SUGCT: variants seen among roughly 807,000 people sequenced by gnomAD.
SUGCT encodes the protein succinyl-CoA:glutarate-CoA transferase.
In SUGCT, 41 loss-of-function variants were observed where a neutral mutation model predicts 55.0. The observed-to-expected ratio is 0.74, with a 90% confidence interval of 0.58 to 0.97. SUGCT has a LOEUF of 0.97. SUGCT is among the 50% of genes least tolerant of loss of function. The pLI is 0.00. For synonymous variants in SUGCT, 187 were observed against 200.4 expected, an observed-to-expected ratio of 0.93 and a Z score of 0.56; for missense variants, 568 against 547.8, an observed-to-expected ratio of 1.04 and a Z score of -0.37.
intron 9 of SUGCT, among the ~76,000 whole-genome samples, chr7:40,388,338 A>C (rs1400799228): frequency 6.6e-6 from 1 of 152,232 alleles, no homozygotes; most frequent in Non-Finnish European, 1.5e-5. Flanking sequence ...GGCTTATAAT[A>C]TAATGAGGAA....
chr7:40,400,031 G>C (rs2151319690), intron 9 of SUGCT, among the ~76,000 whole-genome samples: 1 of 152,108 alleles, frequency 6.6e-6, no homozygotes, highest in African/African-American at 2.4e-5. Context: ...TCTGGTGACA[G>C]AGCAAGACTC....
chr7:40,933,816 T>C, the SUGCT span, among the ~76,000 whole-genome samples: 1 of 152,206 alleles, frequency 6.6e-6, no homozygotes, highest in Non-Finnish European at 1.5e-5. Flanking sequence ...ACACTGTTTA[T>C]TGTAGTTAGC....
intron 12 of SUGCT, among the ~76,000 whole-genome samples, chr7:40,592,620 T>G (rs1475260373): frequency 6.6e-6 from 1 of 152,206 alleles, no homozygotes; most frequent in Non-Finnish European, 1.5e-5. Context: ...AGAAGTAAAG[T>G]AGTGCCAGGG....
intron 12 of SUGCT, among the ~76,000 whole-genome samples, chr7:40,560,338 T>C (rs950383987): frequency 6.6e-6 from 1 of 152,110 alleles, no homozygotes; most frequent in African/African-American, 2.4e-5. Flanking sequence ...ACTTTTTGGG[T>C]GGAGGGCCTT....
At chr7:40,195,869 A>G (rs1474573901) in intron 6 of SUGCT, among the ~76,000 whole-genome samples, 1 of 151,618 alleles carries the variant, frequency 6.6e-6, no homozygotes, top group Non-Finnish European at 1.5e-5. Flanking sequence ...GCCTACCACC[A>G]TGCCTGGCTG....
chr7:40,314,944 T>C (rs1207201122), intron 8 of SUGCT, among the ~76,000 whole-genome samples: 1 of 152,204 alleles, frequency 6.6e-6, no homozygotes, highest in Non-Finnish European at 1.5e-5. Flanking sequence ...TGTAAGCACG[T>C]TGAAGATTAC....
chr7:40,673,402 C>T lies in SUGCT; in HGVS notation c.1090-76032C>T, dbSNP rs142766166. Among the ~76,000 whole-genome samples the T allele has an allele frequency of 2.5e-4, 38 of 152,320 alleles. 1 individual carries two copies. The East Asian group carries it at 7.3e-3, about 29-fold the overall frequency. On this transcript the variant is annotated intron_variant, in intron 12 of 13. Coordinates refer to ENST00000335693, the MANE Select transcript of SUGCT (RefSeq NM_001193313.2). ...GGGCTCTGCTCCTCTCTTTGCTGCT[C>T]TGACTCTAACTTCCCGTGGCCTTTC...
chr7:40,862,295 T>C (rs1794503040), downstream of SUGCT, among the ~76,000 whole-genome samples: 1 of 152,188 alleles, frequency 6.6e-6, no homozygotes, highest in African/African-American at 2.4e-5. Flanking sequence ...AGTGAAATCA[T>C]ATATGTAAGT....
In SUGCT at chr7:40,325,911, TTG is replaced by T. The variant is rs1562682688; in HGVS notation, c.816+9058_816+9059del. 5.4e-5 allele frequency among the ~76,000 whole-genome samples: 8 copies of T among 149,128 alleles called. 1 individual carries two copies. The highest frequency in any genetic ancestry group is 1.0e-4 in the African/African-American group (4 of 39,976). On this transcript the variant is annotated intron_variant, in intron 9 of 13. Transcript: ENST00000335693. ...ATGGATGTGCGTCTTTTTTTTTTGT[TTG>T]TTTTTGGCAGATTCTAGAATTCTTC...
At chr7:40,392,646 A>G (rs1244931136) in intron 9 of SUGCT, among the ~76,000 whole-genome samples, 1 of 152,176 alleles carries the variant, frequency 6.6e-6, no homozygotes, top group African/African-American at 2.4e-5. Context: ...GGTTTCACCC[A>G]TATCGATGAC....
intron 9 of SUGCT, among the ~76,000 whole-genome samples, chr7:40,390,584 T>C (rs112251958): frequency 0.13 from 20,356 of 152,150 alleles, 1,767 homozygotes; most frequent in East Asian, 0.48. Flanking sequence ...ACAAGGGATG[T>C]GAAGGACCTC....
intron 13 of SUGCT, among the ~76,000 whole-genome samples, chr7:40,785,811 G>A (rs1789980946): frequency 6.6e-6 from 1 of 152,154 alleles, no homozygotes; most frequent in South Asian, 2.1e-4. Context: ...TTTAGGGCCA[G>A]GTATGGTAGC....
intron 12 of SUGCT, among the ~76,000 whole-genome samples, chr7:40,640,743 A>G (rs756332911): frequency 1.3e-5 from 2 of 152,240 alleles, no homozygotes; most frequent in Non-Finnish European, 2.9e-5. Flanking sequence ...TGTTAGTTGT[A>G]TACATTTCAT....
At chr7:40,863,723 T>C (rs531039941), downstream of SUGCT, among the ~76,000 whole-genome samples, 5 of 152,290 alleles carry the variant, frequency 3.3e-5, no homozygotes, top group South Asian at 1.0e-3. Context: ...CTTCTGTTCA[T>C]AGGAGACTCC....
the SUGCT span, among the ~76,000 whole-genome samples, chr7:41,001,799 T>C: frequency 1.3e-5 from 2 of 152,232 alleles, no homozygotes; most frequent in Non-Finnish European, 2.9e-5. Flanking sequence ...AGGATTTAAA[T>C]GTATACATTT....
chr7:40,631,965 T>A (rs1417117017), intron 12 of SUGCT, among the ~76,000 whole-genome samples: 1 of 152,198 alleles, frequency 6.6e-6, no homozygotes, highest in Non-Finnish European at 1.5e-5. Context: ...GAGTTTTTTC[T>A]TTGGACTCTG....
the SUGCT span, among the ~76,000 whole-genome samples, chr7:41,004,211 T>A: frequency 6.6e-6 from 1 of 152,336 alleles, no homozygotes; most frequent in South Asian, 2.1e-4. Context: ...CTGATTCTCA[T>A]TAGATTCGCT....
At chr7:40,291,797 G>T (rs1229455669) in intron 8 of SUGCT, among the ~76,000 whole-genome samples, 1 of 152,016 alleles carries the variant, frequency 6.6e-6, no homozygotes. Context: ...AGATTAGAGG[G>T]GAGTCTTATA....
At chr7:40,182,790 C>G (rs1785291885) in intron 3 of SUGCT, among the ~76,000 whole-genome samples, 1 of 152,080 alleles carries the variant, frequency 6.6e-6, no homozygotes, top group South Asian at 2.1e-4. Context: ...TAAGGAATAT[C>G]CAGACCCTCA....
Sources: allele counts gnomAD v4.1 joint callset (sites outside exome capture counted in the v4.1 genomes callset), GRCh38; gene constraint gnomAD v4.1.1; transcripts MANE v1.5; gene names NCBI Gene and HGNC (gene_info 2026-07-23, HGNC 2026-07-21).